The following ASCC3 variants were observed in gnomAD, a reference collection of about 807,000 sequenced individuals.
The protein encoded by ASCC3 is ASC-1 complex subunit P200.
In ASCC3, 158 loss-of-function variants were observed where a neutral mutation model predicts 256.3. The observed-to-expected ratio is 0.62, with a 90% CI of 0.54 to 0.70. ASCC3 has a LOEUF of 0.70. Ranked by LOEUF, ASCC3 falls within the 30% of genes least tolerant of loss-of-function variation. The pLI, the probability that ASCC3 is intolerant of heterozygous loss-of-function variation, is 0.00. For synonymous variants in ASCC3, 948 were observed against 883.4 expected (o/e 1.07, Z -1.30); for missense variants, 2,259 against 2,626.0 (o/e 0.86, Z 3.05).
At chr6:100,843,642 T>C (rs1347648719) in intron 4 of ASCC3, among the ~76,000 whole-genome samples, 1 of 152,184 alleles carries the variant, frequency 6.6e-6, no homozygotes, top group Non-Finnish European at 1.5e-5. Context: ...AGTGTGTTTT[T>C]ATTAACATCT....
chr6:100,801,867 AAC>A (rs1403562576), intron 5 of ASCC3, among the ~76,000 whole-genome samples: 1 of 151,082 alleles, frequency 6.6e-6, no homozygotes, highest in African/African-American at 2.4e-5. Flanking sequence ...CACAATCAGC[AAC>A]ACAGATATTA....
At chr6:100,737,441 A>C (rs1237108056) in intron 10 of ASCC3, among the ~76,000 whole-genome samples, 1 of 152,012 alleles carries the variant, frequency 6.6e-6, no homozygotes, top group Non-Finnish European at 1.5e-5. Context: ...TATGTGTTCT[A>C]ATCATGCAGC....
At chr6:100,840,479 C>G (rs1772086761) in intron 4 of ASCC3, among the ~76,000 whole-genome samples, 1 of 146,252 alleles carries the variant, frequency 6.8e-6, no homozygotes, top group African/African-American at 2.6e-5. Context: ...AGGCACATGC[C>G]ACGCCAGGCT....
chr6:100,583,195 G>A (rs1771412323), intron 36 of ASCC3, among the ~76,000 whole-genome samples: 1 of 152,064 alleles, frequency 6.6e-6, no homozygotes, highest in East Asian at 1.9e-4. Flanking sequence ...TGTACAATTC[G>A]GCTGTGAATC....
chr6:100,641,703 A>G (rs1355132181), intron 24 of ASCC3, among the ~76,000 whole-genome samples: 2 of 152,212 alleles, frequency 1.3e-5, no homozygotes, highest in Non-Finnish European at 2.9e-5. Context: ...TGCTATAAGG[A>G]CACATGCACA....
At chr6:100,550,462 A>G (rs1769232681) in intron 36 of ASCC3, among the ~76,000 whole-genome samples, 1 of 152,008 alleles carries the variant, frequency 6.6e-6, no homozygotes, top group African/African-American at 2.4e-5. Flanking sequence ...CTAGTATTCA[A>G]AAGTATACAT....
intron 4 of ASCC3, among the ~76,000 whole-genome samples, chr6:100,809,286 CACAA>C (rs1303366836): frequency 6.6e-6 from 1 of 151,920 alleles, no homozygotes; most frequent in East Asian, 1.9e-4. Context: ...TAGCTTAAAA[CACAA>C]ACACACTGTA....
At chr6:100,713,010 G>A (rs571180730) in intron 13 of ASCC3, among the ~76,000 whole-genome samples, 6 of 151,898 alleles carry the variant, frequency 4.0e-5, no homozygotes, top group African/African-American at 1.2e-4. Flanking sequence ...CACCTGCCTC[G>A]GCCTCCCAAA....
At chr6:100,645,917 A>T (rs1054415689) in intron 22 of ASCC3, among the ~76,000 whole-genome samples, 2 of 152,172 alleles carry the variant, frequency 1.3e-5, no homozygotes, top group Non-Finnish European at 2.9e-5. Flanking sequence ...TTTGGAGATC[A>T]TGGAGAAAGT....
intron 8 of ASCC3, among the ~76,000 whole-genome samples, chr6:100,779,438 C>A (rs1417133313): frequency 6.6e-6 from 1 of 151,978 alleles, no homozygotes; most frequent in African/African-American, 2.4e-5. Flanking sequence ...TTTAAAAGAC[C>A]ACATTAAAAA....
intron 4 of ASCC3, among the ~76,000 whole-genome samples, chr6:100,847,605 A>C (rs1772445928): frequency 6.6e-6 from 1 of 152,160 alleles, no homozygotes; most frequent in Non-Finnish European, 1.5e-5. Context: ...CCACATAATG[A>C]TTATTTAACA....
chr6:100,759,786 G>C (rs1438141182), intron 10 of ASCC3, among the ~76,000 whole-genome samples: 2 of 152,182 alleles, frequency 1.3e-5, no homozygotes, highest in African/African-American at 4.8e-5. Context: ...TCCTATCCAT[G>C]GGGATGGAAT....
chr6:100,644,007 A>T, intron 23 of ASCC3, 24 bp downstream of exon 23: 1 of 1,489,942 alleles, frequency 6.7e-7, no homozygotes, highest in Middle Eastern at 1.7e-4. Flanking sequence ...GCAAATAAGG[A>T]TATATTCACA....
chr6:100,740,328 T>C (rs556893108), intron 10 of ASCC3, among the ~76,000 whole-genome samples: 1 of 152,330 alleles, frequency 6.6e-6, no homozygotes, highest in South Asian at 2.1e-4. Flanking sequence ...TTTACGCATT[T>C]GTTGAGGAGT....
At chr6:100,688,348 T>C (rs551367708) in intron 13 of ASCC3, among the ~76,000 whole-genome samples, 51 of 152,160 alleles carry the variant, frequency 3.4e-4, no homozygotes, top group Non-Finnish European at 5.9e-4. Context: ...GATATGTATA[T>C]CTGAGTAAAC....
intron 8 of ASCC3, among the ~76,000 whole-genome samples, chr6:100,786,150 C>T (rs1013021656): frequency 6.6e-6 from 1 of 152,100 alleles, no homozygotes; most frequent in Non-Finnish European, 1.5e-5. Context: ...GCTCTACTGA[C>T]AAACCATCCA....
rs139242470 is a variant in ASCC3, at chr6:100,714,003, T to C, written c.2151+1459A>G. On this transcript the variant is annotated intron_variant, in intron 13 of 41. Transcript: ENST00000369162. ...TTCTCTAGACAGCATTTTGGGATCATCACACATACACTACAAATAAAACCT... is the reference window on the plus strand; with the variant it reads ...TTCTCTAGACAGCATTTTGGGATCACCACACATACACTACAAATAAAACCT... Among the ~76,000 whole-genome samples, 309 of 152,288 alleles carry C rather than the reference T, an allele frequency of 2.0e-3. 2 individuals carry two copies. The highest frequency in any genetic ancestry group is 2.8e-3 in the Non-Finnish European group (191 of 68,006).
intron 33 of ASCC3, among the ~76,000 whole-genome samples, chr6:100,603,213 A>G (rs1772714808): frequency 1.3e-5 from 2 of 152,184 alleles, no homozygotes; most frequent in South Asian, 4.1e-4. Context: ...ACATAAAATA[A>G]TAACGGTCAT....
intron 14 of ASCC3, among the ~76,000 whole-genome samples, chr6:100,675,346 C>T (rs1255550158): frequency 2.0e-5 from 3 of 152,076 alleles, no homozygotes; most frequent in Non-Finnish European, 2.9e-5. Context: ...GGCTATTAAC[C>T]ATCCCTGCTA....
Sources: allele counts gnomAD v4.1 joint callset (sites outside exome capture counted in the v4.1 genomes callset), GRCh38; gene constraint gnomAD v4.1.1; transcripts MANE v1.5; gene names NCBI Gene and HGNC (gene_info 2026-07-23, HGNC 2026-07-21).